PDE4D: variants seen among roughly 807,000 people sequenced by gnomAD.
PDE4D encodes the protein 3',5'-cyclic-AMP phosphodiesterase 4D.
Under a neutral mutation model 87.4 loss-of-function variants are expected in PDE4D, and 24 were observed. The observed-to-expected ratio is 0.27, with a 90% confidence interval of 0.20 to 0.39. PDE4D has a LOEUF of 0.39. PDE4D is among the 10% of genes least tolerant of loss of function. PDE4D has a pLI of 1.00. For missense variants in PDE4D, 714 were observed against 1,041.0 expected (o/e 0.69, Z 4.32); for synonymous variants, 384 against 383.2 (o/e 1.00, Z -0.02).
chr5:60,274,247 C>T (rs922995116), intron 1 of PDE4D, among the ~76,000 whole-genome samples: 17 of 152,288 alleles, frequency 1.1e-4, no homozygotes, highest in African/African-American at 3.4e-4. Context: ...ATAAAACCAT[C>T]ACAACTGGGA....
intron 2 of PDE4D, among the ~76,000 whole-genome samples, chr5:60,154,443 A>G (rs1781787621): frequency 6.6e-6 from 1 of 151,942 alleles, no homozygotes; most frequent in Admixed American, 6.6e-5. Flanking sequence ...CACCTGGCTA[A>G]TTTTGTATTT....
At chr5:59,626,585 CA>C (rs369694012) in intron 1 of PDE4D, among the ~76,000 whole-genome samples, 203 of 152,156 alleles carry the variant, frequency 1.3e-3, no homozygotes, top group Middle Eastern at 3.4e-3. Context: ...AGTGAGATCC[CA>C]TCTCTACAAA....
At chr5:59,328,036 T>C (rs575170272) in intron 1 of PDE4D, among the ~76,000 whole-genome samples, 22 of 152,296 alleles carry the variant, frequency 1.4e-4, no homozygotes, top group African/African-American at 5.3e-4. Context: ...AATATGATAA[T>C]AGCACATGTG....
At chr5:59,776,010 G>C (rs1356146950) in intron 1 of PDE4D, among the ~76,000 whole-genome samples, 3 of 151,982 alleles carry the variant, frequency 2.0e-5, no homozygotes, top group African/African-American at 7.3e-5. Context: ...CACTGAACAT[G>C]TCTATAATTC....
chr5:59,374,136 C>A (rs1012352960), intron 1 of PDE4D, among the ~76,000 whole-genome samples: 3 of 152,088 alleles, frequency 2.0e-5, no homozygotes, highest in Admixed American at 6.6e-5. Flanking sequence ...GCAAAATAAC[C>A]AGCTAACATC....
intron 8 of PDE4D, among the ~76,000 whole-genome samples, chr5:58,991,534 T>C (rs1747911489): frequency 6.6e-6 from 1 of 152,106 alleles, no homozygotes; most frequent in African/African-American, 2.4e-5. Context: ...ATAAAATCTA[T>C]TCACAAAACC....
At chr5:60,509,728 T>A (rs1419897556) in intron 1 of PDE4D, among the ~76,000 whole-genome samples, 2 of 152,220 alleles carry the variant, frequency 1.3e-5, no homozygotes, top group African/African-American at 2.4e-5. Flanking sequence ...CTTGCAGTCT[T>A]CTTTCATACT....
At chr5:59,081,801 A>G (rs1410311672) in intron 5 of PDE4D, among the ~76,000 whole-genome samples, 1 of 152,172 alleles carries the variant, frequency 6.6e-6, no homozygotes, top group Non-Finnish European at 1.5e-5. Context: ...TCCTTAATGT[A>G]GATTATATGG....
At chr5:60,041,865 A>T (rs1768531118) in intron 2 of PDE4D, among the ~76,000 whole-genome samples, 1 of 151,724 alleles carries the variant, frequency 6.6e-6, no homozygotes, top group Admixed American at 6.6e-5. Context: ...TTAAGCACAC[A>T]ACTGGGTGGC....
intron 6 of PDE4D, among the ~76,000 whole-genome samples, chr5:59,005,992 G>A (rs1353781532): frequency 6.6e-6 from 1 of 152,210 alleles, no homozygotes; most frequent in Non-Finnish European, 1.5e-5. Context: ...CTCTGGACAG[G>A]GTGAGGAAGC....
intron 6 of PDE4D, chr5:58,999,556 T>TAC (rs1561271823): frequency 2.5e-6 from 3 of 1,197,278 alleles, no homozygotes; most frequent in East Asian, 3.0e-5. Context: ...ATTATATGTA[T>TAC]ATATATATAT....
chr5:59,933,135 A>G (rs1756160232), intron 3 of PDE4D, among the ~76,000 whole-genome samples: 1 of 152,148 alleles, frequency 6.6e-6, no homozygotes, highest in South Asian at 2.1e-4. Flanking sequence ...AATTCAAGTG[A>G]TTTTCCTCAG....
chr5:60,447,974 G>C (rs1158894328), intron 1 of PDE4D, among the ~76,000 whole-genome samples: 1 of 151,692 alleles, frequency 6.6e-6, no homozygotes, highest in Non-Finnish European at 1.5e-5. Context: ...AATTATTTGG[G>C]TTGGGTTTTC....
At chr5:60,366,985 G>A (rs1760606529) in intron 1 of PDE4D, among the ~76,000 whole-genome samples, 1 of 152,120 alleles carries the variant, frequency 6.6e-6, no homozygotes, top group Non-Finnish European at 1.5e-5. Context: ...ACCAAGAGAG[G>A]AGAAAATTAA....
intron 2 of PDE4D, chr5:59,215,322 C>T (rs1750988091): frequency 6.0e-6 from 1 of 167,056 alleles, no homozygotes; most frequent in Non-Finnish European, 1.3e-5. Context: ...CCAGTGCTAA[C>T]ATCTGTACAT....
intron 3 of PDE4D, among the ~76,000 whole-genome samples, chr5:59,921,940 A>T (rs1041646617): frequency 7.2e-5 from 11 of 152,194 alleles, no homozygotes; most frequent in Non-Finnish European, 1.6e-4. Flanking sequence ...TGAAAAAGGC[A>T]CTGAAGAGGG....
chr5:59,688,639 C>G (rs1295842815), intron 1 of PDE4D, among the ~76,000 whole-genome samples: 1 of 152,106 alleles, frequency 6.6e-6, no homozygotes, highest in African/African-American at 2.4e-5. Context: ...AATTGACACC[C>G]TAACAGCACA....
chr5:60,453,236 C>T (rs768986065), intron 1 of PDE4D, among the ~76,000 whole-genome samples: 4 of 152,088 alleles, frequency 2.6e-5, no homozygotes, highest in Non-Finnish European at 5.9e-5. Flanking sequence ...AAAAGATTGG[C>T]ATGTTTGCTT....
At chr5:59,972,153 T>A (rs939713581) in intron 3 of PDE4D, among the ~76,000 whole-genome samples, 1 of 152,156 alleles carries the variant, frequency 6.6e-6, no homozygotes, top group Non-Finnish European at 1.5e-5. Context: ...GAACATCAGA[T>A]TGACTACATT....
Sources: allele counts gnomAD v4.1 joint callset (sites outside exome capture counted in the v4.1 genomes callset), GRCh38; gene constraint gnomAD v4.1.1; transcripts MANE v1.5; gene names NCBI Gene and HGNC (gene_info 2026-07-23, HGNC 2026-07-21).